The following NKAIN3 variants were observed in gnomAD, a reference collection of about 807,000 sequenced individuals.
The protein encoded by NKAIN3 is sodium/potassium transporting ATPase interacting 3, also known as sodium/potassium-transporting ATPase subunit beta-1-interacting protein 3.
In NKAIN3, 25 loss-of-function variants were observed where a neutral mutation model predicts 30.2. That is an observed-to-expected ratio of 0.83 (90% CI 0.60 to 1.16). NKAIN3 has a LOEUF of 1.16. NKAIN3 is among the 50% of genes most tolerant of loss of function. NKAIN3 has a pLI of 0.00. For synonymous variants in NKAIN3, 91 were observed against 89.6 expected (o/e 1.02, Z -0.09); for missense variants, 225 against 254.1 (o/e 0.89, Z 0.78).
chr8:62,818,608 C>T (rs1296130637), intron 4 of NKAIN3, among the ~76,000 whole-genome samples: 1 of 152,046 alleles, frequency 6.6e-6, no homozygotes, highest in African/African-American at 2.4e-5. Flanking sequence ...ATGTGTCAAG[C>T]ACTACATTAA....
At chr8:62,707,284 G>T (rs908834854) in intron 3 of NKAIN3, among the ~76,000 whole-genome samples, 6 of 152,022 alleles carry the variant, frequency 3.9e-5, no homozygotes, top group African/African-American at 1.4e-4. Context: ...TCTACTTTTA[G>T]TTATTTAAGG....
intron 1 of NKAIN3, among the ~76,000 whole-genome samples, chr8:62,485,811 A>T (rs779685074): frequency 6.6e-6 from 1 of 152,256 alleles, no homozygotes; most frequent in Non-Finnish European, 1.5e-5. Flanking sequence ...CTGGAGGTCA[A>T]CTTGAGAGGT....
chr8:62,619,510 C>G (rs1191678137), intron 3 of NKAIN3, among the ~76,000 whole-genome samples: 1 of 151,982 alleles, frequency 6.6e-6, no homozygotes, highest in Non-Finnish European at 1.5e-5. Flanking sequence ...TTAATTTGTC[C>G]CACCTTTCTG....
chr8:62,314,502 A>G (rs974231198), intron 1 of NKAIN3, among the ~76,000 whole-genome samples: 8 of 152,172 alleles, frequency 5.3e-5, no homozygotes, highest in African/African-American at 9.6e-5. Flanking sequence ...TTCCTTGTAG[A>G]GCAAGCTTGA....
chr8:62,776,680 C>A (rs932375038), intron 4 of NKAIN3, among the ~76,000 whole-genome samples: 2 of 151,968 alleles, frequency 1.3e-5, no homozygotes, highest in Non-Finnish European at 2.9e-5. Flanking sequence ...AGTTGTTGTA[C>A]TTATTATTTT....
intron 4 of NKAIN3, chr8:62,857,152 T>C (rs1820086626): frequency 5.8e-6 from 2 of 346,778 alleles, no homozygotes; most frequent in Admixed American, 8.1e-5. Flanking sequence ...CCTTTAAGAA[T>C]GTTGAATATA....
chr8:62,425,216 G>A (rs1804771746), intron 1 of NKAIN3, among the ~76,000 whole-genome samples: 1 of 151,780 alleles, frequency 6.6e-6, no homozygotes, highest in Non-Finnish European at 1.5e-5. Flanking sequence ...TCAACATTGT[G>A]TCTATAGTTA....
chr8:62,585,456 C>A (rs1198364881), intron 2 of NKAIN3, among the ~76,000 whole-genome samples: 2 of 152,202 alleles, frequency 1.3e-5, no homozygotes, highest in East Asian at 1.9e-4. Context: ...GAATGTGTAC[C>A]TTAGGGCAGC....
At chr8:62,923,859 C>T (rs1481594636) in intron 5 of NKAIN3, among the ~76,000 whole-genome samples, 1 of 152,156 alleles carries the variant, frequency 6.6e-6, no homozygotes, top group East Asian at 1.9e-4. Flanking sequence ...TGACAAGATT[C>T]CATCCCTTAA....
intron 4 of NKAIN3, among the ~76,000 whole-genome samples, chr8:62,888,427 T>C (rs1821207078): frequency 6.6e-6 from 1 of 152,164 alleles, no homozygotes; most frequent in African/African-American, 2.4e-5. Flanking sequence ...TTTCAAATGG[T>C]CCACTGTAAG....
intron 1 of NKAIN3, among the ~76,000 whole-genome samples, chr8:62,447,152 C>T (rs567937578): frequency 6.6e-6 from 1 of 152,020 alleles, no homozygotes; most frequent in Non-Finnish European, 1.5e-5. Context: ...CTAATATTTA[C>T]CTAGACAAAA....
In NKAIN3 at chr8:62,809,127, TAGTC is replaced by T. The variant is rs1435535887; in HGVS notation, c.471+62001_471+62004del. 2.6e-5 allele frequency among the ~76,000 whole-genome samples: 4 copies of T among 152,196 alleles called. No homozygotes were observed. In the East Asian group the frequency reaches 7.7e-4, roughly 29 times the overall value. On this transcript the variant is annotated intron_variant, in intron 4 of 6. Transcript: ENST00000623646. ...GGCTCCGTTCCGCCCAGCTCTCAGG[TAGTC>T]AGACCTAATGGTTATCTCCCTTGTT...
At chr8:62,828,350 C>G (rs10106468) in intron 4 of NKAIN3, among the ~76,000 whole-genome samples, 1 of 151,966 alleles carries the variant, frequency 6.6e-6, no homozygotes, top group East Asian at 1.9e-4. Context: ...CAAATCTACA[C>G]ACATATTAAA....
intron 1 of NKAIN3, among the ~76,000 whole-genome samples, chr8:62,275,203 G>T (rs913331982): frequency 7.2e-5 from 11 of 152,178 alleles, no homozygotes; most frequent in South Asian, 2.1e-4. Context: ...CTAGTTTACA[G>T]TCCCACCAAC....
chr8:62,957,138 C>T (rs1191181441), intron 6 of NKAIN3, among the ~76,000 whole-genome samples: 1 of 85,124 alleles, frequency 1.2e-5, no homozygotes. Flanking sequence ...TTTATAGCAG[C>T]CTTTTTTTTT....
intron 3 of NKAIN3, among the ~76,000 whole-genome samples, chr8:62,616,072 A>G (rs1811444362): frequency 1.3e-5 from 2 of 152,114 alleles, no homozygotes; most frequent in Non-Finnish European, 2.9e-5. Flanking sequence ...AAATTCTTCT[A>G]ATTTAAATGA....
At chr8:62,837,542 T>C in intron 4 of NKAIN3, among the ~76,000 whole-genome samples, 2 of 152,294 alleles carry the variant, frequency 1.3e-5, no homozygotes, top group Middle Eastern at 3.4e-3. Context: ...TGTATTAGAG[T>C]GCCCACACAT....
At position 62,668,029 on chromosome 8, in the gene NKAIN3, A is replaced by T. The variant is rs1449186012; in HGVS notation, c.273+78235A>T. ...ACATAATCCAGATTTGGGCTCCAAC[A>T]TTCTCTTCTCCATTAGAAGATGCCC... is the stretch of plus-strand genomic sequence containing the variant. On this transcript the variant is annotated intron_variant, in intron 3 of 6. Transcript: ENST00000623646. Among the ~76,000 whole-genome samples the T allele has an allele frequency of 2.0e-5, 3 of 152,030 alleles. No homozygotes were observed. In the East Asian group the frequency reaches 5.8e-4, roughly 29 times the overall value.
intron 1 of NKAIN3, among the ~76,000 whole-genome samples, chr8:62,461,473 A>G (rs915419040): frequency 2.6e-5 from 4 of 152,242 alleles, no homozygotes; most frequent in Non-Finnish European, 5.9e-5. Context: ...AAAGCAATCA[A>G]TAGCAACTAT....
Sources: gnomAD v4.1 joint callset for allele counts (sites outside exome capture counted in the v4.1 genomes callset) on GRCh38, gnomAD v4.1.1 for gene constraint, MANE v1.5 for transcripts, NCBI Gene and HGNC (gene_info 2026-07-23, HGNC 2026-07-21) for gene names.